PPP6R2: variants seen among roughly 807,000 people sequenced by gnomAD.
PPP6R2 encodes the protein serine/threonine-protein phosphatase 6 regulatory subunit 2.
A neutral mutation model predicts 100.2 loss-of-function variants in PPP6R2; 62 were observed. The ratio of observed to expected loss-of-function variants is 0.62; its 90% CI spans 0.50 to 0.76. The LOEUF (loss-of-function observed/expected upper bound fraction) is 0.76. PPP6R2 is among the 30% of genes least tolerant of loss of function. The probability of loss-of-function intolerance (pLI) is 0.00; values close to 1 mark genes in which losing one functional copy is unlikely to be tolerated. For missense variants in PPP6R2, 1,142 were observed against 1,276.3 expected (o/e 0.89, Z 1.60); for synonymous variants, 525 against 514.7 (o/e 1.02, Z -0.27).
At chr22:50,331,251 C>T in the PPP6R2 span, among the ~76,000 whole-genome samples, 1 of 152,052 alleles carries the variant, frequency 6.6e-6, no homozygotes, top group East Asian at 1.9e-4. Context: ...TATTATGACT[C>T]ATGCTGCTGT....
intron 22 of PPP6R2, chr22:50,443,202 A>C (rs2066169625): frequency 6.6e-6 from 1 of 152,334 alleles, no homozygotes; most frequent in Admixed American, 6.5e-5. Flanking sequence ...ACCCCTAAAA[A>C]ACTGCTCTGA....
At chr22:50,393,124 C>T (rs2055993613) in intron 2 of PPP6R2, among the ~76,000 whole-genome samples, 2 of 152,148 alleles carry the variant, frequency 1.3e-5, no homozygotes, top group Admixed American at 1.3e-4. Flanking sequence ...ACTGTCCAGA[C>T]AAAGACAGCA....
intron 2 of PPP6R2, among the ~76,000 whole-genome samples, chr22:50,390,727 G>A (rs1012376909): frequency 3.9e-5 from 6 of 152,248 alleles, no homozygotes; most frequent in South Asian, 2.1e-4. Flanking sequence ...AGGGCCGGGC[G>A]CGGTCGTTCA....
intron 2 of PPP6R2, among the ~76,000 whole-genome samples, chr22:50,373,390 C>T (rs188829536): frequency 2.1e-3 from 317 of 150,846 alleles, no homozygotes; most frequent in African/African-American, 6.8e-3. Context: ...TACAGGCACC[C>T]GCCAGCACGC....
chr22:50,349,493 G>GC (rs548296933), intron 1 of PPP6R2, among the ~76,000 whole-genome samples: 183 of 151,054 alleles, frequency 1.2e-3, no homozygotes, highest in African/African-American at 4.3e-3. Context: ...ACATAGTGAG[G>GC]CCCCATCTCT....
chr22:50,437,990 G>A (rs1052433324), intron 17 of PPP6R2, 90 bp downstream of exon 17: 40 of 1,532,308 alleles, frequency 2.6e-5, no homozygotes, highest in Non-Finnish European at 3.4e-5. Context: ...GGGCCTGTGC[G>A]GTGGGGCTGG....
rs1158117317 is a variant in PPP6R2 at position 50,432,339 on chromosome 22, G to A, written c.1400+10G>A. On this transcript the variant is annotated intron_variant, in intron 12 of 23. Coordinates refer to ENST00000612753, the MANE Select transcript of PPP6R2 (RefSeq NM_001242898.2). ...CCAACGACCACACGCAGTAAGAGCC[G>A]CTCGGACGTGGAGGGACCCAGCCTG... The A allele has an allele frequency of 2.1e-4, 332 of 1,548,118 alleles. 1 individual carries two copies. Among genetic ancestry groups the A allele is most frequent in the Non-Finnish European group, 2.7e-4 (306 of 1,146,308 alleles).
chr22:50,442,851 C>T (rs1366002861), intron 22 of PPP6R2, among the ~76,000 whole-genome samples: 1 of 150,998 alleles, frequency 6.6e-6, no homozygotes, highest in Admixed American at 6.6e-5. Flanking sequence ...CGCGCCTGGC[C>T]TAGTCACTGA....
the PPP6R2 span, among the ~76,000 whole-genome samples, chr22:50,336,775 C>T: frequency 1.3e-5 from 2 of 151,540 alleles, no homozygotes; most frequent in African/African-American, 4.9e-5. Flanking sequence ...GGCGTGGTCA[C>T]AGTTCACTGC....
chr22:50,366,910 T>TC (rs34526662), intron 1 of PPP6R2, among the ~76,000 whole-genome samples: 73,739 of 151,862 alleles, frequency 0.49, 19,180 homozygotes, highest in African/African-American at 0.68. Context: ...GTCTTTTGTT[T>TC]CCTTTTTTCA....
At chr22:50,357,849 C>T (rs117553138) in intron 1 of PPP6R2, among the ~76,000 whole-genome samples, 1,909 of 152,284 alleles carry the variant, frequency 0.013, 15 homozygotes, top group Non-Finnish European at 0.016. Flanking sequence ...TGGTCTTTAA[C>T]TCCTGACCTC....
intron 3 of PPP6R2, 113 bp from the exon 4 acceptor site, chr22:50,406,576 A>T: frequency 1.1e-6 from 1 of 935,770 alleles, no homozygotes; most frequent in Non-Finnish European, 1.6e-6. Context: ...TGAGGTCTGT[A>T]GTGTTTGTTT....
intron 2 of PPP6R2, among the ~76,000 whole-genome samples, chr22:50,390,489 T>C (rs1319581876): frequency 6.6e-6 from 1 of 151,856 alleles, no homozygotes; most frequent in Non-Finnish European, 1.5e-5. Context: ...GATCAAAGAA[T>C]TAATCATCAA....
In PPP6R2 at chr22:50,430,264, G is replaced by T. The variant is rs970117389; in HGVS notation, c.1126-909G>T. ...CACCTCTGGGCTTCAGCCCATGCTG[G>T]TTAAGTCTGGGCTCCCTTGGGGAGT... is the stretch of plus-strand genomic sequence containing the variant. On this transcript the variant is annotated intron_variant, in intron 10 of 23. Transcript: ENST00000612753. Among the ~76,000 whole-genome samples the T allele has an allele frequency of 4.6e-5, 7 of 152,386 alleles. No individual in the cohort carries two copies. In the South Asian group the frequency reaches 1.2e-3, roughly 27 times the overall value.
chr22:50,395,987 G>C (rs945268995), intron 3 of PPP6R2, among the ~76,000 whole-genome samples: 9 of 151,044 alleles, frequency 6.0e-5, no homozygotes, highest in African/African-American at 2.2e-4. Context: ...CTCAGGTCAG[G>C]AGTTCGAAAC....
intron 3 of PPP6R2, among the ~76,000 whole-genome samples, chr22:50,399,366 A>AAGGC (rs1246534464): frequency 2.0e-5 from 3 of 152,254 alleles, no homozygotes; most frequent in African/African-American, 7.2e-5. Flanking sequence ...AGCTACAGAA[A>AAGGC]ATAGTAAACA....
rs376550171 is a variant in PPP6R2 at position 50,428,016 on chromosome 22, A to C, written c.1126-3157A>C. Among the ~76,000 whole-genome samples, 7 of 150,634 alleles carry C rather than the reference A, an allele frequency of 4.6e-5. No homozygotes were observed. The South Asian group carries it at 1.5e-3, about 31-fold the overall frequency. On this transcript the variant is annotated intron_variant, in intron 10 of 23. Transcript: ENST00000612753. ...ATTATAGGCGTGAGCCACCACGCCC[A>C]GCCAATTTTTATATTTTTAGTAGAA...
intron 10 of PPP6R2, among the ~76,000 whole-genome samples, chr22:50,425,145 C>G (rs1268849047): frequency 6.6e-6 from 1 of 152,220 alleles, no homozygotes; most frequent in Non-Finnish European, 1.5e-5. Context: ...CCGTTAAACA[C>G]TAACTCCCCA....
chr22:50,371,917 G>A (rs2050312404), intron 1 of PPP6R2, 103 bp from the exon 2 acceptor site: 1 of 152,252 alleles, frequency 6.6e-6, no homozygotes, highest in South Asian at 2.1e-4. Flanking sequence ...GATTAAAGGT[G>A]TGAGCCACCG....
Sources: allele counts gnomAD v4.1 joint callset (sites outside exome capture counted in the v4.1 genomes callset), GRCh38; gene constraint gnomAD v4.1.1; transcripts MANE v1.5; gene names NCBI Gene and HGNC (gene_info 2026-07-23, HGNC 2026-07-21).